Variants in ZNF432 observed in about 807,000 individuals in gnomAD.
ZNF432 encodes the protein zinc finger protein 432.
ZNF432 carries 10 observed loss-of-function variants against 13.9 expected under a neutral mutation model. The ratio of observed to expected loss-of-function variants is 0.72; its 90% CI spans 0.44 to 1.22. The LOEUF is 1.22. Ranked by LOEUF, ZNF432 falls within the 50% of genes most tolerant of loss-of-function variation. The probability of loss-of-function intolerance (pLI) is 0.00; values close to 1 mark genes in which losing one functional copy is unlikely to be tolerated. For missense variants in ZNF432, 793 were observed against 796.2 expected (o/e 1.00, Z 0.05); for synonymous variants, 247 against 256.2 (o/e 0.96, Z 0.34).
At chr19:52,044,343 G>T (rs961471000) in intron 2 of ZNF432, among the ~76,000 whole-genome samples, 7 of 151,164 alleles carry the variant, frequency 4.6e-5, no homozygotes, top group Admixed American at 4.6e-4. Context: ...GGAAGCAGAA[G>T]CAAATACGAA....
Position 52,041,620 on chromosome 19 carries a change from G to C in ZNF432, c.16-14C>G. ...TGTCAGCAATTCCTGTAAGAAAACA[G>C]AGCCTTGCTTAATAGGAAGTGTTTC... On this transcript the variant is annotated splice_polypyrimidine_tract_variant and intron_variant, in intron 2 of 4. Transcript: ENST00000221315. 6.2e-7 allele frequency: 1 copy of C among 1,614,044 alleles called. No homozygotes were observed.
intron 4 of ZNF432, among the ~76,000 whole-genome samples, chr19:52,039,952 T>C (rs1187973140): frequency 1.3e-5 from 2 of 151,876 alleles, no homozygotes; most frequent in African/African-American, 4.8e-5. Context: ...AAATTGACTA[T>C]GGTGATGGTT....
chr19:52,043,728 G>A (rs1390715746), intron 2 of ZNF432, among the ~76,000 whole-genome samples: 1 of 152,238 alleles, frequency 6.6e-6, no homozygotes, highest in African/African-American at 2.4e-5. Context: ...CTGGAGGTGG[G>A]ACATTCGGGC....
intron 1 of ZNF432, among the ~76,000 whole-genome samples, chr19:52,048,134 C>CACACAT (rs1186165506): frequency 1.1e-5 from 1 of 94,100 alleles, no homozygotes; most frequent in Non-Finnish European, 2.0e-5. Flanking sequence ...GCTCAACACA[C>CACACAT]ACACACACAC....
rs767239949 is a variant in ZNF432, at chr19:52,034,614, G to A, written c.1065C>T (p.Thr355=). ...YICSECGKGF[T]TKHYVIIHQR... ...GATGTATGATGACATAGTGTTTTGT[G>A]GTGAAGCCTTTCCCACATTCACTAC... The change falls in exon 5 of 5, where the codon ACC becomes ACT. Residue 355 remains threonine, a synonymous_variant. Coordinates refer to ENST00000221315, the MANE Select transcript of ZNF432 (RefSeq NM_014650.4). The A allele has an allele frequency of 2.5e-5, 40 of 1,612,906 alleles. No homozygotes were observed. The highest frequency in any genetic ancestry group is 3.3e-5 in the Non-Finnish European group (39 of 1,179,706).
intron 2 of ZNF432, among the ~76,000 whole-genome samples, chr19:52,042,147 T>C (rs959500408): frequency 6.6e-6 from 1 of 152,222 alleles, no homozygotes; most frequent in African/African-American, 2.4e-5. Context: ...CATATAAATA[T>C]ATGTTTATGT....
At position 52,033,378 on chromosome 19, in the gene ZNF432, A is replaced by C. The variant is rs532544478; in HGVS notation, c.*342T>G. 2.3e-4 allele frequency: 51 copies of C among 221,516 alleles called. No individual in the cohort carries two copies. Among genetic ancestry groups the C allele is most frequent in the African/African-American group, 1.1e-3 (50 of 43,692 alleles). The allele number at this position is 221,516 out of a possible 1,614,324, so 13.7% of individuals were successfully genotyped here. ...CTCTGCATGAATTTGTTTGTATGTA[A>C]TCAGTTCAGATTCTCTGCAAAAGGA... On this transcript the variant is annotated 3_prime_UTR_variant, in exon 5 of 5. Coordinates refer to ENST00000221315, the MANE Select transcript of ZNF432 (RefSeq NM_014650.4).
At chr19:52,039,954 G>A (rs1463571449) in intron 4 of ZNF432, among the ~76,000 whole-genome samples, 1 of 151,624 alleles carries the variant, frequency 6.6e-6, no homozygotes, top group Non-Finnish European at 1.5e-5. Flanking sequence ...ATTGACTATG[G>A]TGATGGTTAC....
At chr19:52,044,441 A>G (rs1369110171) in intron 2 of ZNF432, among the ~76,000 whole-genome samples, 1 of 152,152 alleles carries the variant, frequency 6.6e-6, no homozygotes, top group Non-Finnish European at 1.5e-5. Flanking sequence ...AAAACAGATC[A>G]TAAACAAAGC....
intron 2 of ZNF432, 78 bp downstream of exon 2, chr19:52,046,776 G>A: frequency 6.9e-7 from 1 of 1,450,930 alleles, no homozygotes; most frequent in Non-Finnish European, 9.5e-7. Flanking sequence ...TTTCTCTCTA[G>A]ATTCTGAAAT....
Position 52,035,097 on chromosome 19 carries a change from C to T in ZNF432, c.582G>A (p.Lys194=). The change falls in exon 5 of 5, where the codon AAG becomes AAA. Residue 194 remains lysine (K), a synonymous_variant. Transcript: ENST00000221315. ...TTTCTATTTCATGAGTTCTCTGATG[C>T]TTACTGACTTGGGATTTAGTGCTAT... ...KANSTKSQVS[K]HQRTHEIEKN... 1 of 1,614,036 alleles carries T rather than the reference C, an allele frequency of 6.2e-7. No individual in the cohort carries two copies. The highest frequency in any genetic ancestry group is 8.5e-7 in the Non-Finnish European group (1 of 1,180,022).
chr19:52,034,174 A>G lies in ZNF432; in HGVS notation c.1505T>C (p.Leu502Ser), dbSNP rs372514614. The G allele has an allele frequency of 3.1e-6, 5 of 1,613,888 alleles. No homozygotes were observed. The African/African-American group carries it at 6.7e-5, about 22-fold the overall frequency. The change falls in exon 5 of 5, where the codon TTA becomes TCA. Residue 502 changes from leucine to serine, a missense_variant. Coordinates refer to ENST00000221315, the MANE Select transcript of ZNF432 (RefSeq NM_014650.4). The part of the protein sequence containing the change: ...KGFIVNSGLM[L>S]HQRTHTGEKP... ...CTCTCCAGTATGAGTTCGCTGATGT[A>G]ACATCAGTCCGCTATTCACAATGAA...
chr19:52,042,870 T>C (rs1469239551), intron 2 of ZNF432, among the ~76,000 whole-genome samples: 1 of 152,166 alleles, frequency 6.6e-6, no homozygotes, highest in Admixed American at 6.5e-5. Flanking sequence ...AAGGAAAAGA[T>C]GCATTACCAT....
chr19:52,047,917 G>A (rs2087202376), intron 1 of ZNF432, among the ~76,000 whole-genome samples: 1 of 151,866 alleles, frequency 6.6e-6, no homozygotes, highest in Admixed American at 6.6e-5. Context: ...TAATTTGTGC[G>A]CAGTAATTTA....
At chr19:52,040,620 A>T (rs746367789) in intron 3 of ZNF432, 37 bp from the exon 4 acceptor site, 11 of 1,560,618 alleles carry the variant, frequency 7.0e-6, no homozygotes, top group Non-Finnish European at 8.8e-6. Context: ...GACACACTGG[A>T]TTGGGCTGGG....
intron 2 of ZNF432, among the ~76,000 whole-genome samples, 155 bp from the exon 3 acceptor site, chr19:52,041,761 G>A (rs2087138984): frequency 6.6e-6 from 1 of 152,152 alleles, no homozygotes. Context: ...GAATCTCCAA[G>A]TATTCTATAA....
At chr19:52,047,650 G>A (rs1211110125) in intron 1 of ZNF432, among the ~76,000 whole-genome samples, 7 of 136,782 alleles carry the variant, frequency 5.1e-5, no homozygotes, top group African/African-American at 1.7e-4. Flanking sequence ...AAGCCTGGGC[G>A]ACAAAAGCAA....
chr19:52,031,605 C>A lies in ZNF432; in HGVS notation c.*2115G>T, dbSNP rs557472472. On this transcript the variant is annotated 3_prime_UTR_variant, in exon 5 of 5. Transcript: ENST00000221315. ...CCTATCTCAAAGCTTGCGTACCTTA[C>A]GATTCCATTTTAATAGCATTCTTGA... 1.3e-5 allele frequency: 2 copies of A among 152,224 alleles called. No homozygotes were observed. Among genetic ancestry groups the A allele is most frequent in the Non-Finnish European group, 2.9e-5 (2 of 68,044 alleles). The allele number at this position is 152,224 out of a possible 1,614,324, so 9.4% of individuals were successfully genotyped here.
rs369703194 is a variant in ZNF432 at position 52,032,726 on chromosome 19, A to G, written c.*994T>C. 1.3e-5 allele frequency: 2 copies of G among 152,188 alleles called. No individual in the cohort carries two copies. Among genetic ancestry groups the G allele is most frequent in the East Asian group, 3.8e-4 (2 of 5,196 alleles). 9.4% of individuals were successfully genotyped at this position (152,188 alleles called of 1,614,324 possible). A position where few individuals can be genotyped will look rare whatever the true frequency, so the allele number is the denominator to read the frequency against. On this transcript the variant is annotated 3_prime_UTR_variant, in exon 5 of 5. Coordinates refer to ENST00000221315, the MANE Select transcript of ZNF432 (RefSeq NM_014650.4). ...GCTGGGATTACAGGTGCAAGCCACCATGCCCGGCATTATGTATCATTTTCA... is the reference window on the plus strand; with the variant it reads ...GCTGGGATTACAGGTGCAAGCCACCGTGCCCGGCATTATGTATCATTTTCA...
Sources: allele counts gnomAD v4.1 joint callset (sites outside exome capture counted in the v4.1 genomes callset), GRCh38; gene constraint gnomAD v4.1.1; transcripts MANE v1.5; gene names NCBI Gene and HGNC (gene_info 2026-07-23, HGNC 2026-07-21).